ADGRB3: variants seen among roughly 807,000 people sequenced by gnomAD.
The protein encoded by ADGRB3 is brain-specific angiogenesis inhibitor 3.
In ADGRB3, 37 loss-of-function variants were observed where a neutral mutation model predicts 193.4. The observed-to-expected ratio is 0.19, with a 90% CI of 0.15 to 0.25. ADGRB3 has a LOEUF of 0.25. Ranked by LOEUF, ADGRB3 falls within the 10% of genes least tolerant of loss-of-function variation. ADGRB3 has a pLI of 1.00. For missense variants in ADGRB3, 1,637 were observed against 1,852.9 expected (o/e 0.88, Z 2.14); for synonymous variants, 690 against 644.2 (o/e 1.07, Z -1.08).
intron 3 of ADGRB3, among the ~76,000 whole-genome samples, chr6:68,882,820 G>A (rs1001693721): frequency 2.6e-5 from 4 of 151,946 alleles, no homozygotes; most frequent in African/African-American, 9.7e-5. Flanking sequence ...TCCCTTAATG[G>A]TTATTTCCCT....
intron 17 of ADGRB3, among the ~76,000 whole-genome samples, chr6:69,143,435 T>C (rs997082421): frequency 6.6e-6 from 1 of 152,194 alleles, no homozygotes; most frequent in African/African-American, 2.4e-5. Context: ...TCTTGTAGAG[T>C]ATTACTCAAG....
chr6:68,643,495 A>G (rs1768132096), intron 3 of ADGRB3, among the ~76,000 whole-genome samples: 1 of 130,688 alleles, frequency 7.7e-6, no homozygotes, highest in Non-Finnish European at 1.5e-5. Flanking sequence ...ACTCTATCAG[A>G]ATGCAGAACG....
At chr6:69,140,223 T>C (rs923254086) in intron 17 of ADGRB3, among the ~76,000 whole-genome samples, 8 of 152,348 alleles carry the variant, frequency 5.3e-5, no homozygotes, top group Admixed American at 4.6e-4. Flanking sequence ...ATAACTGATA[T>C]ATAAGGTTAA....
chr6:69,040,378 C>CTTTCT (rs1562133289), intron 13 of ADGRB3, among the ~76,000 whole-genome samples: 16 of 21,324 alleles, frequency 7.5e-4, no homozygotes, highest in Admixed American at 1.4e-3. Context: ...TCTTTCTTTC[C>CTTTCT]TTCTCTCTCT....
chr6:69,061,295 T>C (rs893200452), intron 15 of ADGRB3, among the ~76,000 whole-genome samples: 1 of 151,958 alleles, frequency 6.6e-6, no homozygotes, highest in African/African-American at 2.4e-5. Context: ...TGCTACTAGA[T>C]ATAGTAAATT....
intron 8 of ADGRB3, among the ~76,000 whole-genome samples, chr6:68,967,755 T>G (rs2150261629): frequency 6.6e-6 from 1 of 151,776 alleles, no homozygotes; most frequent in Non-Finnish European, 1.5e-5. Flanking sequence ...TGTTACAAGG[T>G]GACAGGAAAG....
chr6:69,062,390 C>T (rs1482183128), intron 15 of ADGRB3, among the ~76,000 whole-genome samples: 1 of 151,842 alleles, frequency 6.6e-6, no homozygotes, highest in East Asian at 1.9e-4. Flanking sequence ...AGTGGCCTGT[C>T]AATCTCTATT....
At chr6:68,789,589 T>A (rs1018869443) in intron 3 of ADGRB3, among the ~76,000 whole-genome samples, 3 of 152,240 alleles carry the variant, frequency 2.0e-5, no homozygotes, top group African/African-American at 7.2e-5. Flanking sequence ...CCCTTAACAT[T>A]TTTTCCTTCA....
intron 17 of ADGRB3, among the ~76,000 whole-genome samples, chr6:69,141,058 GA>G (rs929041234): frequency 1.4e-5 from 2 of 146,000 alleles, no homozygotes; most frequent in East Asian, 2.1e-4. Flanking sequence ...ATGCTAAGGA[GA>G]AAAAAAATGA....
At chr6:68,933,587 C>T (rs908225870) in intron 4 of ADGRB3, among the ~76,000 whole-genome samples, 14 of 151,882 alleles carry the variant, frequency 9.2e-5, no homozygotes, top group African/African-American at 1.2e-4. Flanking sequence ...AGTGAGACTT[C>T]GTCTCAATAA....
chr6:69,045,260 G>T (rs1294604220), intron 13 of ADGRB3, among the ~76,000 whole-genome samples: 2 of 152,122 alleles, frequency 1.3e-5, no homozygotes, highest in Admixed American at 1.3e-4. Context: ...TTGCTACATG[G>T]AAATAGGTTT....
At chr6:68,760,210 AG>A (rs1296798366) in intron 3 of ADGRB3, among the ~76,000 whole-genome samples, 3 of 152,170 alleles carry the variant, frequency 2.0e-5, no homozygotes, top group Non-Finnish European at 2.9e-5. Context: ...TCAAAGATGG[AG>A]GTAAACATTT....
chr6:69,320,825 ATGTG>A (rs5877204), intron 20 of ADGRB3, among the ~76,000 whole-genome samples: 1,890 of 146,322 alleles, frequency 0.013, 18 homozygotes, highest in South Asian at 0.022. Flanking sequence ...GCATGTGTGT[ATGTG>A]TGTGTGTGTG....
At position 69,241,799 on chromosome 6, in the gene ADGRB3, C is replaced by T. The variant is rs974617569; in HGVS notation, c.2814+2573C>T. Among the ~76,000 whole-genome samples the T allele has an allele frequency of 2.0e-5, 3 of 152,040 alleles. No individual in the cohort carries two copies. The East Asian group carries it at 5.8e-4, about 29-fold the overall frequency. ...CCAAAGTGGTTTTGTATCAGATTGA[C>T]TAATGCTAATTTTTGCTACTATAGT... On this transcript the variant is annotated intron_variant, in intron 20 of 31. Transcript: ENST00000370598.
At chr6:68,759,588 C>T (rs1047481284) in intron 3 of ADGRB3, among the ~76,000 whole-genome samples, 1 of 152,038 alleles carries the variant, frequency 6.6e-6, no homozygotes, top group African/African-American at 2.4e-5. Flanking sequence ...TACATTCTCA[C>T]ATGGCCTGAT....
At chr6:68,643,460 T>TTC (rs869141676) in intron 3 of ADGRB3, among the ~76,000 whole-genome samples, 1 of 145,118 alleles carries the variant, frequency 6.9e-6, no homozygotes, top group Admixed American at 6.9e-5. Flanking sequence ...TTTTTTTTTT[T>TTC]CGTATGTCAC....
At chr6:69,233,088 G>A (rs113014787) in intron 17 of ADGRB3, 3 of 695,904 alleles carry the variant, frequency 4.3e-6, no homozygotes, top group Non-Finnish European at 6.8e-6. Context: ...CCGCACCGCC[G>A]CCTGCTTGCT....
chr6:68,914,916 A>G (rs533047904), intron 3 of ADGRB3, among the ~76,000 whole-genome samples: 97 of 152,222 alleles, frequency 6.4e-4, no homozygotes, highest in Non-Finnish European at 1.6e-4. Flanking sequence ...TAGAGTATCA[A>G]ATAAAATCTA....
chr6:69,181,375 T>C (rs1775579554), intron 17 of ADGRB3, among the ~76,000 whole-genome samples: 1 of 152,164 alleles, frequency 6.6e-6, no homozygotes, highest in Non-Finnish European at 1.5e-5. Flanking sequence ...TTTAAAAAAA[T>C]ACATTATTCC....
Sources: gnomAD v4.1 joint callset for allele counts (sites outside exome capture counted in the v4.1 genomes callset) on GRCh38, gnomAD v4.1.1 for gene constraint, MANE v1.5 for transcripts, NCBI Gene and HGNC (gene_info 2026-07-23, HGNC 2026-07-21) for gene names.